Variants in INPP4B observed in about 807,000 individuals in gnomAD.
INPP4B encodes the protein inositol polyphosphate 4-phosphatase type II.
A neutral mutation model predicts 122.5 loss-of-function variants in INPP4B; 55 were observed. The observed-to-expected ratio is 0.45, with a 90% CI of 0.36 to 0.56. The LOEUF (loss-of-function observed/expected upper bound fraction) is 0.56, where lower values mean the gene tolerates loss of function less well. INPP4B is among the 20% of genes least tolerant of loss of function. INPP4B has a pLI of 0.00. For missense variants in INPP4B, 1,000 were observed against 1,097.7 expected, an observed-to-expected ratio of 0.91 and a Z score of 1.26; for synonymous variants, 403 against 388.7, an observed-to-expected ratio of 1.04 and a Z score of -0.43.
chr4:142,070,799 A>G (rs1766773419), intron 25 of INPP4B, among the ~76,000 whole-genome samples: 2 of 152,132 alleles, frequency 1.3e-5, no homozygotes, highest in South Asian at 2.1e-4. Context: ...AGGACCTTTT[A>G]TGGAGAACTA....
At chr4:142,674,198 C>T (rs1757395732) in intron 2 of INPP4B, among the ~76,000 whole-genome samples, 1 of 152,090 alleles carries the variant, frequency 6.6e-6, no homozygotes, top group African/African-American at 2.4e-5. Flanking sequence ...TCCCTCTGCC[C>T]ACCTGCTTTT....
At chr4:142,139,302 A>AATTATT (rs149940996) in intron 18 of INPP4B, among the ~76,000 whole-genome samples, 50 of 151,386 alleles carry the variant, frequency 3.3e-4, no homozygotes, top group Non-Finnish European at 5.0e-4. Context: ...TCTAGTCTTT[A>AATTATT]ATTATTATTA....
intron 5 of INPP4B, chr4:142,423,568 C>T (rs1435256751): frequency 9.8e-6 from 2 of 204,486 alleles, no homozygotes; most frequent in African/African-American, 2.4e-5. Context: ...GATAAGCACT[C>T]CTTATTTATA....
intron 1 of INPP4B, among the ~76,000 whole-genome samples, chr4:142,840,644 A>G (rs943121865): frequency 2.0e-5 from 3 of 152,152 alleles, no homozygotes; most frequent in Non-Finnish European, 4.4e-5. Flanking sequence ...TAAATAAATT[A>G]TGTTTAAAAG....
intron 2 of INPP4B, among the ~76,000 whole-genome samples, chr4:142,543,052 G>T (rs1392944000): frequency 6.6e-6 from 1 of 152,018 alleles, no homozygotes; most frequent in Non-Finnish European, 1.5e-5. Flanking sequence ...CATACTTCCA[G>T]GTTCTAAAAT....
At position 142,737,839 on chromosome 4, in the gene INPP4B, C is replaced by T. The variant is rs996191003; in HGVS notation, c.-253-11938G>A. Among the ~76,000 whole-genome samples, 56 of 152,126 alleles carry T rather than the reference C, an allele frequency of 3.7e-4. 1 individual carries two copies. The highest frequency in any genetic ancestry group is 6.3e-4 in the Non-Finnish European group (43 of 68,036). ...TTCTCAAAAGAAGACATTTATGCAG[C>T]CAAAAAACACATGAAAAAATGCTCA... On this transcript the variant is annotated intron_variant, in intron 1 of 25. Transcript: ENST00000262992.
chr4:142,250,181 C>T (rs776465379), intron 11 of INPP4B, among the ~76,000 whole-genome samples: 2 of 152,184 alleles, frequency 1.3e-5, no homozygotes, highest in Non-Finnish European at 2.9e-5. Context: ...TTCTCTCTCT[C>T]CTTCCACCCT....
chr4:142,085,083 G>A (rs751953618), intron 24 of INPP4B, among the ~76,000 whole-genome samples: 6 of 152,154 alleles, frequency 3.9e-5, no homozygotes, highest in Non-Finnish European at 7.4e-5. Context: ...GCCTGAAAGC[G>A]ACATTTCATA....
intron 15 of INPP4B, among the ~76,000 whole-genome samples, chr4:142,178,302 C>T (rs1399974051): frequency 6.6e-6 from 1 of 152,144 alleles, no homozygotes; most frequent in African/African-American, 2.4e-5. Flanking sequence ...GCAACCACCC[C>T]AACATTTCTA....
intron 2 of INPP4B, among the ~76,000 whole-genome samples, chr4:142,683,527 T>C (rs1560957459): frequency 6.6e-6 from 1 of 151,714 alleles, no homozygotes; most frequent in Non-Finnish European, 1.5e-5. Context: ...GCTTGGAAGC[T>C]AGCAGGACTA....
intron 11 of INPP4B, among the ~76,000 whole-genome samples, chr4:142,249,319 T>A (rs546729223): frequency 6.6e-6 from 1 of 152,236 alleles, no homozygotes; most frequent in South Asian, 2.1e-4. Context: ...GGCATGGTAA[T>A]TTGAGGGTCT....
chr4:142,757,515 T>G (rs751297290), intron 1 of INPP4B, among the ~76,000 whole-genome samples: 2 of 152,176 alleles, frequency 1.3e-5, no homozygotes, highest in African/African-American at 4.8e-5. Flanking sequence ...CAGAATGTCA[T>G]GTAGTTGGAA....
At chr4:142,287,433 A>G (rs1455876212) in intron 9 of INPP4B, 1 of 152,202 alleles carries the variant, frequency 6.6e-6, no homozygotes, top group African/African-American at 2.4e-5. Context: ...CTATAGGCAT[A>G]ACAGTCAGAC....
intron 9 of INPP4B, among the ~76,000 whole-genome samples, chr4:142,276,542 G>C (rs1019447349): frequency 6.6e-6 from 1 of 151,908 alleles, no homozygotes; most frequent in African/African-American, 2.4e-5. Flanking sequence ...AGGCAACTCA[G>C]CCTCTGTAAA....
intron 2 of INPP4B, among the ~76,000 whole-genome samples, chr4:142,719,661 C>T (rs995927930): frequency 6.6e-6 from 1 of 152,004 alleles, no homozygotes; most frequent in African/African-American, 2.4e-5. Context: ...AAATGAGATA[C>T]TTTTACTAAT....
chr4:142,071,063 A>G (rs1578800598), intron 25 of INPP4B, among the ~76,000 whole-genome samples: 1 of 152,230 alleles, frequency 6.6e-6, no homozygotes, highest in Non-Finnish European at 1.5e-5. Context: ...AGCTGGAGGC[A>G]TCACGCTACC....
intron 2 of INPP4B, among the ~76,000 whole-genome samples, chr4:142,700,005 G>GT (rs1488202416): frequency 1.9e-4 from 29 of 151,642 alleles, no homozygotes; most frequent in African/African-American, 7.0e-4. Flanking sequence ...CATCTTAAAA[G>GT]AACAAAACAA....
intron 7 of INPP4B, among the ~76,000 whole-genome samples, chr4:142,337,368 A>C (rs188354851): frequency 6.6e-6 from 1 of 151,844 alleles, no homozygotes; most frequent in Admixed American, 6.6e-5. Flanking sequence ...TTACATCTAT[A>C]ACTGGGCTGG....
intron 15 of INPP4B, among the ~76,000 whole-genome samples, chr4:142,186,100 T>C (rs1833089557): frequency 6.6e-6 from 1 of 152,174 alleles, no homozygotes; most frequent in Non-Finnish European, 1.5e-5. Context: ...AATAAAATCC[T>C]ACTTAGTTTT....
Sources: allele counts gnomAD v4.1 joint callset (sites outside exome capture counted in the v4.1 genomes callset), GRCh38; gene constraint gnomAD v4.1.1; transcripts MANE v1.5; gene names NCBI Gene and HGNC (gene_info 2026-07-23, HGNC 2026-07-21).